UBOX5: variants seen among roughly 807,000 people sequenced by gnomAD.
The protein encoded by UBOX5 is U-box domain containing 5.
In UBOX5, 28 loss-of-function variants were observed where a neutral mutation model predicts 39.0. That is an observed-to-expected ratio of 0.72 (90% CI 0.53 to 0.98). The LOEUF is 0.98. Ranked by LOEUF, UBOX5 falls within the 50% of genes least tolerant of loss-of-function variation. The pLI is 0.00. For missense variants in UBOX5, 585 were observed against 674.4 expected (o/e 0.87, Z 1.47); for synonymous variants, 283 against 275.5 (o/e 1.03, Z -0.27).
At chr20:3,142,409 T>C (rs2066524378) in intron 1 of UBOX5, among the ~76,000 whole-genome samples, 1 of 152,022 alleles carries the variant, frequency 6.6e-6, no homozygotes, top group African/African-American at 2.4e-5. Context: ...GAGACCAGCC[T>C]GGCCAATTTG....
Position 3,135,833 on chromosome 20 carries a change from G to A in UBOX5, c.-41-12427C>T, listed in dbSNP as rs116250301. 1.7e-3 allele frequency among the ~76,000 whole-genome samples: 256 copies of A among 152,140 alleles called. 1 individual carries two copies. The highest frequency in any genetic ancestry group is 5.9e-3 in the African/African-American group (244 of 41,512). On this transcript the variant is annotated intron_variant, in intron 1 of 4. Coordinates refer to ENST00000217173, the MANE Select transcript of UBOX5 (RefSeq NM_014948.4). ...TACTGGTCAGAAGTAAGTCATCGGT[G>A]AATCATTATCAGTATCAGTAGGCTG...
intron 3 of UBOX5, among the ~76,000 whole-genome samples, chr20:3,120,595 G>C (rs113956822): frequency 9.9e-5 from 14 of 140,776 alleles, no homozygotes; most frequent in Non-Finnish European, 2.1e-4. Context: ...GCAGTGAGCC[G>C]AGATCATGCC....
intron 1 of UBOX5, among the ~76,000 whole-genome samples, chr20:3,150,372 T>C (rs1169359938): frequency 1.3e-5 from 2 of 152,188 alleles, no homozygotes; most frequent in Non-Finnish European, 2.9e-5. Context: ...CCCGCTGACA[T>C]CTTCTGGAGA....
intron 3 of UBOX5, among the ~76,000 whole-genome samples, chr20:3,117,896 G>A (rs1310451847): frequency 1.3e-5 from 2 of 152,014 alleles, no homozygotes; most frequent in Non-Finnish European, 2.9e-5. Context: ...GGAGGCTGAG[G>A]CAGGAAAATC....
intron 1 of UBOX5, chr20:3,148,381 G>T: frequency 6.2e-7 from 1 of 1,614,092 alleles, no homozygotes; most frequent in East Asian, 2.2e-5. Flanking sequence ...GGCAACACTT[G>T]GTCTCATACA....
chr20:3,138,154 T>C (rs1169675427), intron 1 of UBOX5, among the ~76,000 whole-genome samples: 1 of 151,996 alleles, frequency 6.6e-6, no homozygotes, highest in Admixed American at 6.6e-5. Context: ...ATGCCTGTAG[T>C]CCCAGCTACT....
chr20:3,139,593 T>C (rs2066499393), intron 1 of UBOX5, among the ~76,000 whole-genome samples: 2 of 151,706 alleles, frequency 1.3e-5, no homozygotes, highest in Admixed American at 6.6e-5. Context: ...GGTTTCACCA[T>C]GTTTGCCAGC....
intron 1 of UBOX5, among the ~76,000 whole-genome samples, chr20:3,152,460 C>T (rs1462100544): frequency 6.6e-6 from 1 of 151,934 alleles, no homozygotes; most frequent in Admixed American, 6.6e-5. Context: ...TGAGATAGCG[C>T]CACTGCACTG....
chr20:3,121,439 A>G lies in UBOX5; in HGVS notation c.1200T>C (p.Ala400=). The G allele has an allele frequency of 6.2e-7, 1 of 1,614,044 alleles. No homozygotes were observed. Among genetic ancestry groups the G allele is most frequent in the Non-Finnish European group, 8.5e-7 (1 of 1,179,988 alleles). ...GCTCATTGGTGGCTTTCATTTTCTT[A>G]GCAGTGTGCTCTGAGGTAGTGGGTA... ...LVLPTTSEHT[A]KKMKATNEPS... is the part of the protein sequence containing the mutation. The change falls in exon 3 of 5, where the codon GCT becomes GCC. Residue 400 remains alanine (A), a synonymous_variant. Coordinates refer to ENST00000217173, the MANE Select transcript of UBOX5 (RefSeq NM_014948.4).
chr20:3,156,511 TG>T (rs2066687504), intron 1 of UBOX5, among the ~76,000 whole-genome samples: 1 of 152,064 alleles, frequency 6.6e-6, no homozygotes, highest in East Asian at 1.9e-4. Flanking sequence ...ATACCTGATA[TG>T]ATTTCACAAA....
chr20:3,148,554 A>C (rs1228156851), intron 1 of UBOX5: 1 of 1,614,182 alleles, frequency 6.2e-7, no homozygotes, highest in African/African-American at 1.3e-5. Context: ...TCTGCAGGCA[A>C]AGAGCTCAGC....
Position 3,146,947 on chromosome 20 carries a change from G to A in UBOX5, c.-42+12819C>T, listed in dbSNP as rs2066569930. The A allele has an allele frequency of 8.1e-6, 13 of 1,614,086 alleles. No individual in the cohort carries two copies. The East Asian group carries it at 2.7e-4, about 33-fold the overall frequency. ...GTCCAAGGAGATCCCTGGAGCCATA[G>A]CAATACTGGTTCCTGTTTGTGAACT... On this transcript the variant is annotated intron_variant, in intron 1 of 4. Coordinates refer to ENST00000217173, the MANE Select transcript of UBOX5 (RefSeq NM_014948.4).
rs144291399 is a variant in UBOX5, at chr20:3,121,697, C to T, written c.942G>A (p.Pro314=). The T allele has an allele frequency of 1.6e-4, 254 of 1,613,880 alleles. 4 individuals carry two copies. The Middle Eastern group carries it at 1.8e-3, about 12-fold the overall frequency. The change falls in exon 3 of 5, where the codon CCG becomes CCA. Residue 314 remains proline, a synonymous_variant. Coordinates refer to ENST00000217173, the MANE Select transcript of UBOX5 (RefSeq NM_014948.4). ...SDPFTGVAFT[P]HSQPLPHPSL... is the part of the protein sequence containing the mutation. Reference sequence around the variant, plus strand: ...AGGGGTGAGGCAGGGGCTGAGAGTGCGGAGTAAAAGCTACCCCCGTGAAAG... The same window carrying T: ...AGGGGTGAGGCAGGGGCTGAGAGTGTGGAGTAAAAGCTACCCCCGTGAAAG...
chr20:3,119,310 T>C (rs1486593936), intron 3 of UBOX5, among the ~76,000 whole-genome samples: 1 of 152,166 alleles, frequency 6.6e-6, no homozygotes, highest in Non-Finnish European at 1.5e-5. Flanking sequence ...AGCTGAATCT[T>C]GCAACAATGA....
chr20:3,123,564 G>A (rs2066354313), intron 1 of UBOX5, among the ~76,000 whole-genome samples, 158 bp from the exon 2 acceptor site: 1 of 152,170 alleles, frequency 6.6e-6, no homozygotes, highest in Non-Finnish European at 1.5e-5. Flanking sequence ...TATACATGAT[G>A]TTGGGGAAAA....
chr20:3,118,174 AAAAG>A (rs538904765), intron 3 of UBOX5, among the ~76,000 whole-genome samples: 80 of 151,224 alleles, frequency 5.3e-4, no homozygotes, highest in Non-Finnish European at 6.8e-4. Context: ...AAACAAAACA[AAAAG>A]AAACCATTAA....
At chr20:3,113,119 CA>C (rs34287965) in intron 4 of UBOX5, among the ~76,000 whole-genome samples, 76,226 of 121,906 alleles carry the variant, frequency 0.63, 22,787 homozygotes, top group East Asian at 0.96. Context: ...ACTAAATATA[CA>C]AAAAAAAAAA....
intron 1 of UBOX5, among the ~76,000 whole-genome samples, chr20:3,155,052 CAAAAAAAAAAAA>C (rs11326176): frequency 1.0e-5 from 1 of 96,100 alleles, no homozygotes; most frequent in East Asian, 2.9e-4. Context: ...GACACAGTCT[CAAAAAAAAAAAA>C]AAAAAAAAGA....
intron 1 of UBOX5, among the ~76,000 whole-genome samples, chr20:3,133,807 T>C (rs2066448496): frequency 6.6e-6 from 1 of 151,384 alleles, no homozygotes; most frequent in Non-Finnish European, 1.5e-5. Flanking sequence ...AAAGCAGTGG[T>C]GCAATCTCGG....
Sources: gnomAD v4.1 joint callset for allele counts (sites outside exome capture counted in the v4.1 genomes callset) on GRCh38, gnomAD v4.1.1 for gene constraint, MANE v1.5 for transcripts, NCBI Gene and HGNC (gene_info 2026-07-23, HGNC 2026-07-21) for gene names.